The following GALNT18 variants were observed in gnomAD, a reference collection of about 807,000 sequenced individuals.
GALNT18 encodes the protein polypeptide N-acetylgalactosaminyltransferase 18.
A neutral mutation model predicts 69.5 loss-of-function variants in GALNT18; 44 were observed. That is an observed-to-expected ratio of 0.63 (90% CI 0.50 to 0.81). The LOEUF (loss-of-function observed/expected upper bound fraction) is 0.81, where lower values mean the gene tolerates loss of function less well. Among genes scored for constraint, GALNT18 ranks in the 40% least tolerant of loss-of-function variants. GALNT18 has a pLI of 0.00. For synonymous variants in GALNT18, 364 were observed against 318.2 expected, an observed-to-expected ratio of 1.14 and a Z score of -1.53; for missense variants, 715 against 810.0, an observed-to-expected ratio of 0.88 and a Z score of 1.42.
rs1856952274 is a variant in GALNT18 at position 11,500,489 on chromosome 11, GT to G, written c.236-51554del. Among the ~76,000 whole-genome samples the G allele has an allele frequency of 6.6e-6, 1 of 152,232 alleles. No homozygotes were observed. Among genetic ancestry groups the G allele is most frequent in the Non-Finnish European group, 1.5e-5 (1 of 68,048 alleles). ...CAGATCAGCAGCCATGTCTGGAGAT[GT>G]TTTTGGTTGTCACATCGTGGTGGGT... On this transcript the variant is annotated intron_variant, in intron 1 of 10. Coordinates refer to ENST00000227756, the MANE Select transcript of GALNT18 (RefSeq NM_198516.3). The surrounding 1 kb of genome is among the most constrained non-coding windows in gnomAD (Gnocchi z 5.0).
At chr11:11,296,074 G>T (rs1241338133) in intron 9 of GALNT18, among the ~76,000 whole-genome samples, 1 of 152,118 alleles carries the variant, frequency 6.6e-6, no homozygotes, top group African/African-American at 2.4e-5. Context: ...CAGCCATAGA[G>T]TTAGACATCA....
chr11:11,275,311 T>C (rs113794033), intron 10 of GALNT18, among the ~76,000 whole-genome samples: 2 of 150,892 alleles, frequency 1.3e-5, no homozygotes, highest in Non-Finnish European at 3.0e-5. Flanking sequence ...ATGACCATTT[T>C]TTCATGTGTC....
chr11:11,609,217 C>T (rs1247119151), intron 1 of GALNT18, among the ~76,000 whole-genome samples: 1 of 152,224 alleles, frequency 6.6e-6, no homozygotes, highest in Non-Finnish European at 1.5e-5. Flanking sequence ...AGCATTCCAT[C>T]TGCAGTGGCC....
intron 9 of GALNT18, among the ~76,000 whole-genome samples, chr11:11,295,449 GAGA>G (rs140652468): frequency 0.035 from 4,837 of 139,508 alleles, 167 homozygotes; most frequent in African/African-American, 0.086. Flanking sequence ...GAACGTGTAA[GAGA>G]AAAGTCATGG....
intron 1 of GALNT18, among the ~76,000 whole-genome samples, chr11:11,495,600 C>A (rs12417042): frequency 0.23 from 34,969 of 152,076 alleles, 4,187 homozygotes; most frequent in Middle Eastern, 0.31. Flanking sequence ...CGTGTGGCAG[C>A]CTCCATTCAA....
rs2133968645 is a variant in GALNT18 at position 11,614,333 on chromosome 11, G to A, written c.235+7026C>T. Among the ~76,000 whole-genome samples the A allele has an allele frequency of 6.7e-6, 1 of 150,078 alleles. No homozygotes were observed. The highest frequency in any genetic ancestry group is 2.5e-5 in the African/African-American group (1 of 40,464). ...CATAGTGAGAGAGGGGTGAGAGAGAGAGGCAAGAGAGTGAGGAGAAGAAGA... is the reference window on the plus strand; with the variant it reads ...CATAGTGAGAGAGGGGTGAGAGAGAAAGGCAAGAGAGTGAGGAGAAGAAGA... On this transcript the variant is annotated intron_variant, in intron 1 of 10. Transcript: ENST00000227756. The surrounding 1 kb of genome is among the most constrained non-coding windows in gnomAD (Gnocchi z 5.6).
chr11:11,441,942 C>T lies in GALNT18; in HGVS notation c.428+6802G>A, dbSNP rs556310752. On this transcript the variant is annotated intron_variant, in intron 2 of 10. Transcript: ENST00000227756. ...TTCTTCCAGGATCCTGTGCAACAGG[C>T]TGTACACTGTCTTGTTTTCCTAATA... 3.3e-5 allele frequency among the ~76,000 whole-genome samples: 5 copies of T among 152,316 alleles called. No homozygotes were observed. The South Asian group carries it at 6.2e-4, about 19-fold the overall frequency.
chr11:11,468,619 A>G (rs546709129), intron 1 of GALNT18, among the ~76,000 whole-genome samples: 4 of 152,208 alleles, frequency 2.6e-5, no homozygotes, highest in Non-Finnish European at 4.4e-5. Flanking sequence ...TGGGAGTCAA[A>G]GCCAGGCCAG....
At chr11:11,304,869 C>A (rs1163396356) in intron 9 of GALNT18, among the ~76,000 whole-genome samples, 3 of 152,186 alleles carry the variant, frequency 2.0e-5, no homozygotes, top group Non-Finnish European at 4.4e-5. Flanking sequence ...AAAGGAGCTG[C>A]CCCTTTGGCC....
intron 9 of GALNT18, among the ~76,000 whole-genome samples, chr11:11,307,125 A>C (rs1849592384): frequency 6.6e-6 from 1 of 152,122 alleles, no homozygotes; most frequent in Non-Finnish European, 1.5e-5. Flanking sequence ...TGAGACTAGC[A>C]GAAGATAAGG....
chr11:11,287,889 G>C (rs928164977), intron 10 of GALNT18, among the ~76,000 whole-genome samples: 1 of 152,096 alleles, frequency 6.6e-6, no homozygotes, highest in Non-Finnish European at 1.5e-5. Flanking sequence ...CCACTCCACT[G>C]CCCGACTACC....
intron 9 of GALNT18, among the ~76,000 whole-genome samples, chr11:11,310,473 A>G (rs760163493): frequency 8.5e-5 from 13 of 152,196 alleles, no homozygotes; most frequent in African/African-American, 1.4e-4. Context: ...GGAGATGTAA[A>G]TCTATTCCGT....
intron 1 of GALNT18, among the ~76,000 whole-genome samples, chr11:11,572,663 G>A (rs1348686940): frequency 1.3e-5 from 2 of 152,014 alleles, no homozygotes; most frequent in Non-Finnish European, 2.9e-5. Flanking sequence ...TGGTGCAGGA[G>A]GACCCCTGAA....
At chr11:11,533,713 TG>T (rs1857707817) in intron 1 of GALNT18, among the ~76,000 whole-genome samples, 1 of 152,226 alleles carries the variant, frequency 6.6e-6, no homozygotes, top group Non-Finnish European at 1.5e-5. Flanking sequence ...AACTAAGTTA[TG>T]GATAAAAGAA....
At chr11:11,519,038 G>C (rs1017642181) in intron 1 of GALNT18, among the ~76,000 whole-genome samples, 1 of 152,178 alleles carries the variant, frequency 6.6e-6, no homozygotes, top group East Asian at 1.9e-4. Flanking sequence ...CACACATAAA[G>C]AAGAAAGAGC....
chr11:11,471,191 T>C (rs1012755659), intron 1 of GALNT18, among the ~76,000 whole-genome samples: 5 of 152,334 alleles, frequency 3.3e-5, no homozygotes, highest in Middle Eastern at 3.4e-3. Flanking sequence ...GTCCTTCTGG[T>C]TGGCTTTCTA....
At chr11:11,576,894 T>C (rs1238527751) in intron 1 of GALNT18, among the ~76,000 whole-genome samples, 1 of 152,242 alleles carries the variant, frequency 6.6e-6, no homozygotes, top group East Asian at 1.9e-4. Context: ...CGCACACCTT[T>C]AGTGCCACAG....
intron 1 of GALNT18, among the ~76,000 whole-genome samples, chr11:11,453,205 T>C (rs1250130736): frequency 6.6e-6 from 1 of 152,166 alleles, no homozygotes; most frequent in Non-Finnish European, 1.5e-5. Context: ...GAGCCCCAAG[T>C]ACGGCCTGAG....
intron 10 of GALNT18, among the ~76,000 whole-genome samples, chr11:11,281,151 C>T (rs11021749): frequency 1.3e-5 from 2 of 152,312 alleles, no homozygotes; most frequent in East Asian, 1.9e-4. Context: ...AAAACCAGCC[C>T]CGCTCTCTAA....
Sources: gnomAD v4.1 joint callset for allele counts (sites outside exome capture counted in the v4.1 genomes callset) on GRCh38, gnomAD v4.1.1 for gene constraint, Gnocchi (gnomAD v3.1) non-coding constraint, MANE v1.5 for transcripts, NCBI Gene and HGNC (gene_info 2026-07-23, HGNC 2026-07-21) for gene names.